Variants in TNKS observed in about 807,000 individuals in gnomAD.
TNKS encodes the protein tankyrase, also known as poly [ADP-ribose] polymerase tankyrase-1.
Under a neutral mutation model 135.8 loss-of-function variants are expected in TNKS, and 72 were observed. The ratio of observed to expected loss-of-function variants is 0.53; its 90% CI spans 0.44 to 0.64. The LOEUF (loss-of-function observed/expected upper bound fraction) is 0.64. TNKS is among the 30% of genes least tolerant of loss of function. The pLI is 0.00. For missense variants in TNKS, 1,769 were observed against 1,674.0 expected (o/e 1.06, Z -0.99); for synonymous variants, 849 against 649.3 (o/e 1.31, Z -4.68).
chr8:9,629,215 C>T (rs1451880445), intron 3 of TNKS, among the ~76,000 whole-genome samples: 1 of 152,162 alleles, frequency 6.6e-6, no homozygotes, highest in African/African-American at 2.4e-5. Context: ...GTTTACTTGA[C>T]TTCTTTTTCT....
chr8:9,677,198 A>G (rs1802578182), intron 3 of TNKS, among the ~76,000 whole-genome samples: 1 of 152,196 alleles, frequency 6.6e-6, no homozygotes, highest in Admixed American at 6.5e-5. Context: ...TATTGCAGAA[A>G]AGCTGATTAA....
chr8:9,682,207 CTGTTTTTTAGACAGAGCT>C (rs1013759655), intron 5 of TNKS, among the ~76,000 whole-genome samples: 8 of 152,036 alleles, frequency 5.3e-5, no homozygotes, highest in African/African-American at 1.9e-4. Context: ...TTAAATGCAG[CTGTTTTTTAGACAGAGCT>C]TGTTTCGCCC....
At chr8:9,734,810 A>G in intron 15 of TNKS, 55 bp from the exon 16 acceptor site, 1 of 1,451,352 alleles carries the variant, frequency 6.9e-7, no homozygotes, top group Non-Finnish European at 9.5e-7. Context: ...CTACCTACCT[A>G]CCTACCTACT....
At chr8:9,599,943 A>G (rs974646823) in intron 2 of TNKS, among the ~76,000 whole-genome samples, 35 of 152,370 alleles carry the variant, frequency 2.3e-4, no homozygotes, top group African/African-American at 7.2e-4. Context: ...TAAGTCATAT[A>G]TAGAAGACCT....
intron 3 of TNKS, among the ~76,000 whole-genome samples, chr8:9,660,637 A>G (rs1365671170): frequency 6.6e-6 from 1 of 152,206 alleles, no homozygotes; most frequent in Admixed American, 6.5e-5. Context: ...ATCATACTGA[A>G]TGGACAAAAA....
Position 9,779,544 on chromosome 8 carries a change from AAATT to A in TNKS, c.*2811_*2814del, listed in dbSNP as rs1808377093. ...CCTGCTGGATACTTGACTCAGGCAT[AAATT>A]AAGTGCCCTGGTCCCGAACTTTCTC... is the stretch of plus-strand genomic sequence containing the variant. On this transcript the variant is annotated 3_prime_UTR_variant, in exon 27 of 27. Transcript: ENST00000310430. 6.6e-6 allele frequency: 1 copy of A among 152,190 alleles called. No homozygotes were observed. Among genetic ancestry groups the A allele is most frequent in the South Asian group, 2.1e-4 (1 of 4,820 alleles). The allele number at this position is 152,190 out of a possible 1,614,324, so 9.4% of individuals were successfully genotyped here.
intron 2 of TNKS, among the ~76,000 whole-genome samples, chr8:9,585,960 C>T (rs1424484807): frequency 1.3e-5 from 2 of 152,058 alleles, no homozygotes; most frequent in Non-Finnish European, 2.9e-5. Context: ...CTTCTTTCAG[C>T]ATTAAAATGG....
chr8:9,728,881 C>T (rs1031080630), intron 13 of TNKS, among the ~76,000 whole-genome samples: 1 of 152,100 alleles, frequency 6.6e-6, no homozygotes, highest in African/African-American at 2.4e-5. Context: ...ACTTAAAAAG[C>T]GCTTGTTTTT....
intron 8 of TNKS, among the ~76,000 whole-genome samples, chr8:9,708,155 CTG>C (rs1170782539): frequency 6.6e-6 from 1 of 152,108 alleles, no homozygotes; most frequent in African/African-American, 2.4e-5. Context: ...CTTTATGACT[CTG>C]AGAGTGTGAA....
chr8:9,672,654 TAAA>T (rs746763150), intron 3 of TNKS, among the ~76,000 whole-genome samples: 105 of 42,822 alleles, frequency 2.5e-3, no homozygotes, highest in African/African-American at 7.7e-3. Flanking sequence ...ACTGTGATGG[TAAA>T]AAAAAAAAAA....
chr8:9,561,601 A>G (rs757324192), intron 1 of TNKS, among the ~76,000 whole-genome samples: 3 of 152,160 alleles, frequency 2.0e-5, no homozygotes, highest in Admixed American at 6.5e-5. Flanking sequence ...TATCCCTTCA[A>G]TTGATAGACC....
At chr8:9,625,676 A>G (rs1423403873) in intron 3 of TNKS, among the ~76,000 whole-genome samples, 2 of 152,054 alleles carry the variant, frequency 1.3e-5, no homozygotes, top group African/African-American at 2.4e-5. Context: ...GGTTGTTTAG[A>G]TTCTGTTTGG....
intron 1 of TNKS, among the ~76,000 whole-genome samples, chr8:9,578,502 C>T (rs1335404071): frequency 2.6e-5 from 4 of 152,158 alleles, no homozygotes; most frequent in Non-Finnish European, 5.9e-5. Context: ...ATATTTTCTA[C>T]GGAAACCTCA....
chr8:9,666,699 C>T (rs1445319723), intron 3 of TNKS, among the ~76,000 whole-genome samples: 1 of 149,524 alleles, frequency 6.7e-6, no homozygotes, highest in African/African-American at 2.5e-5. Context: ...CCAGCCTGGG[C>T]GACAGAGTGA....
intron 9 of TNKS, 46 bp downstream of exon 9, chr8:9,708,538 G>C (rs562619756): frequency 7.0e-7 from 1 of 1,419,578 alleles, no homozygotes; most frequent in South Asian, 1.8e-5. Flanking sequence ...TAATAATAAC[G>C]TAAGCACAAA....
intron 3 of TNKS, among the ~76,000 whole-genome samples, chr8:9,634,023 G>C (rs1390541876): frequency 6.7e-6 from 1 of 150,306 alleles, no homozygotes; most frequent in Non-Finnish European, 1.5e-5. Context: ...AATTTGCTAG[G>C]CAGAAATAGA....
intron 11 of TNKS, among the ~76,000 whole-genome samples, chr8:9,711,827 T>C (rs1347201441): frequency 6.6e-6 from 1 of 152,190 alleles, no homozygotes; most frequent in East Asian, 1.9e-4. Context: ...TTCTGTGATT[T>C]TGCTGAAAAA....
chr8:9,581,357 T>A (rs1001761504), intron 2 of TNKS, among the ~76,000 whole-genome samples: 1 of 152,198 alleles, frequency 6.6e-6, no homozygotes, highest in Non-Finnish European at 1.5e-5. Context: ...TACTTGAGCA[T>A]CCACTAACAT....
At chr8:9,735,160 C>G in intron 16 of TNKS, 76 bp downstream of exon 16, 1 of 1,426,310 alleles carries the variant, frequency 7.0e-7, no homozygotes, top group East Asian at 2.4e-5. Flanking sequence ...AGACGAAAGC[C>G]ATGCTGAACA....
Sources: allele counts gnomAD v4.1 joint callset (sites outside exome capture counted in the v4.1 genomes callset), GRCh38; gene constraint gnomAD v4.1.1; transcripts MANE v1.5; gene names NCBI Gene and HGNC (gene_info 2026-07-23, HGNC 2026-07-21).